LIPA: variants seen among roughly 807,000 people sequenced by gnomAD.
LIPA encodes the protein lysosomal acid lipase/cholesteryl ester hydrolase.
LIPA carries 26 observed loss-of-function variants against 40.6 expected under a neutral mutation model. The observed-to-expected ratio is 0.64, with a 90% confidence interval of 0.47 to 0.89. The LOEUF (loss-of-function observed/expected upper bound fraction) is 0.89. Ranked by LOEUF, LIPA falls within the 40% of genes least tolerant of loss-of-function variation. LIPA has a pLI of 0.00. For synonymous variants in LIPA, 188 were observed against 168.4 expected (o/e 1.12, Z -0.90); for missense variants, 455 against 479.6 (o/e 0.95, Z 0.48).
At chr10:89,307,519 A>G in intron 1 of LIPA, 1 of 673,904 alleles carries the variant, frequency 1.5e-6, no homozygotes, top group Non-Finnish European at 2.4e-6. Flanking sequence ...GGGTTATGTT[A>G]ACACCTGAAT....
At chr10:89,302,011 A>G in intron 1 of LIPA, 1 of 1,103,934 alleles carries the variant, frequency 9.1e-7, no homozygotes, top group Non-Finnish European at 1.3e-6. Context: ...ACCAGAGGCC[A>G]CTTGTATATA....
At chr10:89,367,174 G>A (rs532862952) in intron 2 of LIPA, among the ~76,000 whole-genome samples, 2 of 138,050 alleles carry the variant, frequency 1.4e-5, no homozygotes, top group African/African-American at 2.6e-5. Context: ...GGGGCCTGTC[G>A]TGGGGTGGGG....
intron 2 of LIPA, among the ~76,000 whole-genome samples, chr10:89,356,526 GC>G: frequency 6.6e-6 from 1 of 152,200 alleles, no homozygotes; most frequent in East Asian, 1.9e-4. Flanking sequence ...TCTCAAAAGA[GC>G]ACGAACCCTA....
intron 1 of LIPA, among the ~76,000 whole-genome samples, chr10:89,311,541 A>AC (rs1335058056): frequency 2.6e-5 from 4 of 151,572 alleles, no homozygotes; most frequent in African/African-American, 9.7e-5. Flanking sequence ...AAAAAAAAAA[A>AC]AAAACCCTCA....
At chr10:89,288,746 C>T (rs945721149) in intron 1 of LIPA, among the ~76,000 whole-genome samples, 1 of 152,086 alleles carries the variant, frequency 6.6e-6, no homozygotes, top group Non-Finnish European at 1.5e-5. Context: ...ACCACTCTGC[C>T]CCCTCCATTA....
chr10:89,359,844 A>G (rs74146913), intron 2 of LIPA, among the ~76,000 whole-genome samples: 1 of 111,262 alleles, frequency 9.0e-6, no homozygotes, highest in Non-Finnish European at 1.9e-5. Flanking sequence ...CACACACACA[A>G]ACACACACAC....
At position 89,367,712 on chromosome 10, in the gene LIPA, T is replaced by C. The variant is rs1844067065; in HGVS notation, c.61+45079A>G. On this transcript the variant is annotated intron_variant, in intron 2 of 8. Coordinates refer to the LIPA transcript ENST00000371837. ...CCTAGTAACCAGCACCTATTATGTG[T>C]GAGAGAACTGTGACTGTGAGTTTTG... 2.0e-5 allele frequency among the ~76,000 whole-genome samples: 3 copies of C among 152,330 alleles called. No homozygotes were observed. The South Asian group carries it at 6.2e-4, about 32-fold the overall frequency.
At chr10:89,393,051 T>C in intron 2 of LIPA, 1 of 959,906 alleles carries the variant, frequency 1.0e-6, no homozygotes, top group African/African-American at 1.7e-5. Context: ...TTCACTTCTG[T>C]CTGATATGGG....
At chr10:89,320,792 C>T (rs1395714403) in intron 1 of LIPA, among the ~76,000 whole-genome samples, 1 of 151,952 alleles carries the variant, frequency 6.6e-6, no homozygotes, top group Non-Finnish European at 1.5e-5. Flanking sequence ...AAAGCTGGAG[C>T]CATCACACTA....
intron 1 of LIPA, chr10:89,339,969 T>C: frequency 6.2e-7 from 1 of 1,614,206 alleles, no homozygotes. Flanking sequence ...CCAAATGTTA[T>C]GAGAAGGAAC....
intron 1 of LIPA, among the ~76,000 whole-genome samples, chr10:89,262,782 C>T (rs1843217854): frequency 6.6e-6 from 1 of 152,152 alleles, no homozygotes; most frequent in Non-Finnish European, 1.5e-5. Flanking sequence ...ATATATTAAA[C>T]GTATTTTTCA....
chr10:89,347,192 A>G (rs73367447), upstream of LIPA, among the ~76,000 whole-genome samples: 10,515 of 152,218 alleles, frequency 0.069, 911 homozygotes, highest in African/African-American at 0.2. Flanking sequence ...AATCAGGTAT[A>G]GGTTTCCAAG....
chr10:89,238,901 T>G (rs1328733256), intron 3 of LIPA, among the ~76,000 whole-genome samples: 3 of 152,172 alleles, frequency 2.0e-5, no homozygotes, highest in South Asian at 4.1e-4. Context: ...TTTCAATAAC[T>G]CTGGGGGACA....
At chr10:89,337,603 T>C (rs1223047446) in intron 1 of LIPA, among the ~76,000 whole-genome samples, 1 of 152,176 alleles carries the variant, frequency 6.6e-6, no homozygotes, top group Non-Finnish European at 1.5e-5. Flanking sequence ...TTTCGCCATG[T>C]TGCCCAGGCT....
intron 1 of LIPA, among the ~76,000 whole-genome samples, chr10:89,294,870 A>G (rs575996955): frequency 2.6e-5 from 4 of 151,972 alleles, no homozygotes; most frequent in Non-Finnish European, 4.4e-5. Flanking sequence ...GCTACTCAGG[A>G]GACTGAGGTG....
chr10:89,247,862 A>ATTTATTTG (rs1365955098), intron 1 of LIPA: 1 of 173,536 alleles, frequency 5.8e-6, no homozygotes, highest in Admixed American at 6.4e-5. Context: ...TTATTTATTT[A>ATTTATTTG]TTTATTTATT....
intron 1 of LIPA, among the ~76,000 whole-genome samples, chr10:89,328,235 T>C (rs1382697298): frequency 6.6e-6 from 1 of 152,242 alleles, no homozygotes; most frequent in African/African-American, 2.4e-5. Flanking sequence ...GAGGGGTTTT[T>C]CCCTGTGGCT....
intron 2 of LIPA, among the ~76,000 whole-genome samples, chr10:89,349,782 A>G (rs1256362434): frequency 1.3e-5 from 2 of 152,216 alleles, no homozygotes; most frequent in Non-Finnish European, 2.9e-5. Context: ...TGTATCATGA[A>G]GGGGCTCAGA....
At chr10:89,267,653 G>T (rs971824246) in intron 1 of LIPA, among the ~76,000 whole-genome samples, 1 of 146,192 alleles carries the variant, frequency 6.8e-6, no homozygotes, top group Non-Finnish European at 1.5e-5. Flanking sequence ...TGGGTGCAGC[G>T]CACCAGCATG....
Sources: allele counts gnomAD v4.1 joint callset (sites outside exome capture counted in the v4.1 genomes callset), GRCh38; gene constraint gnomAD v4.1.1; transcripts MANE v1.5; gene names NCBI Gene and HGNC (gene_info 2026-07-23, HGNC 2026-07-21).